ST3GAL6: variants seen among roughly 807,000 people sequenced by gnomAD.
ST3GAL6 encodes the protein type 2 lactosamine alpha-2,3-sialyltransferase.
Under a neutral mutation model 40.5 loss-of-function variants are expected in ST3GAL6, and 31 were observed. The ratio of observed to expected loss-of-function variants is 0.77; its 90% CI spans 0.58 to 1.03. The LOEUF (loss-of-function observed/expected upper bound fraction) is 1.03. Among genes scored for constraint, ST3GAL6 ranks in the 50% least tolerant of loss-of-function variants. ST3GAL6 has a pLI of 0.00. For missense variants in ST3GAL6, 357 were observed against 393.2 expected, an observed-to-expected ratio of 0.91 and a Z score of 0.78; for synonymous variants, 129 against 136.9, an observed-to-expected ratio of 0.94 and a Z score of 0.40.
At chr3:98,774,993 T>G (rs1035811303) in intron 5 of ST3GAL6, among the ~76,000 whole-genome samples, 1 of 152,232 alleles carries the variant, frequency 6.6e-6, no homozygotes, top group Admixed American at 6.5e-5. Flanking sequence ...CCCAAATTTA[T>G]GTAGCTCTGA....
intron 1 of ST3GAL6, among the ~76,000 whole-genome samples, chr3:98,737,239 TG>T (rs1935630635): frequency 6.6e-6 from 1 of 152,080 alleles, no homozygotes. Flanking sequence ...TTTGTAGAGA[TG>T]GGGTTTCGCC....
At chr3:98,732,760 C>T (rs952530065) in intron 1 of ST3GAL6, 6 of 1,208,336 alleles carry the variant, frequency 5.0e-6, no homozygotes, top group Non-Finnish European at 6.7e-6. Context: ...CTGCTCCCTC[C>T]TCTGCTCCCC....
rs1331642724 is a variant in ST3GAL6, at chr3:98,791,815, A to G, written c.757-26A>G. 8.8e-6 allele frequency: 14 copies of G among 1,592,434 alleles called. No individual in the cohort carries two copies. The South Asian group carries it at 1.5e-4, about 17-fold the overall frequency. On this transcript the variant is annotated intron_variant, in intron 8 of 9. Coordinates refer to ENST00000483910, the MANE Select transcript of ST3GAL6 (RefSeq NM_001323368.2). ...TAACAAGTAGCTCCTTTTGCTTAAA[A>G]AAGTTTTTTTCATCCCCTCCCCCAG...
intron 1 of ST3GAL6, among the ~76,000 whole-genome samples, chr3:98,738,210 A>C (rs952760693): frequency 6.6e-6 from 1 of 151,336 alleles, no homozygotes; most frequent in Non-Finnish European, 1.5e-5. Context: ...CTTTCCGTAC[A>C]GCCTGAAGAA....
At chr3:98,774,675 A>G (rs1268404800) in intron 5 of ST3GAL6, among the ~76,000 whole-genome samples, 1 of 152,182 alleles carries the variant, frequency 6.6e-6, no homozygotes, top group Non-Finnish European at 1.5e-5. Flanking sequence ...GGCCTCCATT[A>G]AAAAGGAAAA....
rs1940270051 is a variant in ST3GAL6 at position 98,782,792 on chromosome 3, A to G, written c.336-2153A>G. 5.8e-6 allele frequency: 3 copies of G among 514,286 alleles called. No homozygotes were observed. The Admixed American group carries it at 6.8e-5, about 12-fold the overall frequency. 31.9% of individuals were successfully genotyped at this position (514,286 alleles called of 1,614,324 possible). The stretch of plus-strand genomic sequence containing the variant: ...CAACAAAGAATCTGAAGTTTACAAG[A>G]TGCTTCAGGAGAAACAGGAGTTGAA... On this transcript the variant is annotated intron_variant, in intron 5 of 9. Coordinates refer to ENST00000483910, the MANE Select transcript of ST3GAL6 (RefSeq NM_001323368.2).
intron 1 of ST3GAL6, among the ~76,000 whole-genome samples, chr3:98,755,305 C>T (rs1198361454): frequency 1.3e-5 from 2 of 152,196 alleles, no homozygotes; most frequent in African/African-American, 4.8e-5. Context: ...CTCAGCCTCC[C>T]ACAGTGCTGG....
intron 1 of ST3GAL6, 69 bp downstream of exon 1, chr3:98,763,508 T>G (rs1036381222): frequency 2.4e-6 from 3 of 1,271,396 alleles, no homozygotes; most frequent in Non-Finnish European, 3.1e-6. Flanking sequence ...TGCTGAGATA[T>G]TAGACATTAG....
intron 1 of ST3GAL6, among the ~76,000 whole-genome samples, chr3:98,750,039 T>A (rs1936870354): frequency 6.6e-6 from 1 of 152,234 alleles, no homozygotes; most frequent in Non-Finnish European, 1.5e-5. Flanking sequence ...CTTAGGGGAC[T>A]TTCCCTGCCC....
chr3:98,783,642 T>C (rs905497333), intron 5 of ST3GAL6: 1 of 984,476 alleles, frequency 1.0e-6, no homozygotes, highest in East Asian at 1.1e-4. Context: ...TACTGTGACA[T>C]GAGATGTGTC....
intron 1 of ST3GAL6, among the ~76,000 whole-genome samples, chr3:98,753,052 C>G (rs1231543363): frequency 6.6e-6 from 1 of 152,204 alleles, no homozygotes; most frequent in East Asian, 1.9e-4. Context: ...AATGATTAAG[C>G]TTAGTGAGGA....
upstream of ST3GAL6, among the ~76,000 whole-genome samples, chr3:98,760,712 A>G (rs1263415528): frequency 1.3e-5 from 2 of 152,240 alleles, no homozygotes; most frequent in Non-Finnish European, 2.9e-5. Context: ...CGTGTTTACC[A>G]TATGGCCCAT....
At chr3:98,753,281 C>A (rs1409013615) in intron 1 of ST3GAL6, among the ~76,000 whole-genome samples, 1 of 152,188 alleles carries the variant, frequency 6.6e-6, no homozygotes, top group Admixed American at 6.5e-5. Flanking sequence ...TGATCCCAAA[C>A]AAGGCTCTAA....
In ST3GAL6 at chr3:98,769,561, A is replaced by G. The variant is rs1938741031; in HGVS notation, c.89+1032A>G. 2.6e-5 allele frequency among the ~76,000 whole-genome samples: 4 copies of G among 152,130 alleles called. No individual in the cohort carries two copies. The South Asian group carries it at 8.3e-4, about 31-fold the overall frequency. ...AGATTGCTACTTTCCTACAAATCCT[A>G]TTGTTGGTCACAGGGAAAATGATAA... On this transcript the variant is annotated intron_variant, in intron 2 of 9. Coordinates refer to ENST00000483910, the MANE Select transcript of ST3GAL6 (RefSeq NM_001323368.2).
intron 5 of ST3GAL6, chr3:98,782,931 ATTACTC>A (rs369211097): frequency 0.99 from 363,996 of 366,948 alleles, 180,611 homozygotes; most frequent in East Asian, 1. Context: ...AGCTCAGTCT[ATTACTC>A]AGTGGCTGCA....
chr3:98,745,411 G>A (rs971288301), intron 1 of ST3GAL6, among the ~76,000 whole-genome samples: 5 of 152,224 alleles, frequency 3.3e-5, no homozygotes, highest in African/African-American at 1.2e-4. Flanking sequence ...GAAGTCCCCA[G>A]AGTGACTCTC....
At chr3:98,763,476 G>C in intron 1 of ST3GAL6, 37 bp downstream of exon 1, 1 of 1,289,274 alleles carries the variant, frequency 7.8e-7, no homozygotes, top group East Asian at 5.5e-5. Flanking sequence ...TAAGGGGAAG[G>C]TTGTGGCTTA....
rs974340454 is a variant in ST3GAL6, at chr3:98,794,266, G to A, written c.*505G>A. The A allele has an allele frequency of 6.6e-6, 1 of 152,168 alleles. No homozygotes were observed. Among genetic ancestry groups the A allele is most frequent in the Non-Finnish European group, 1.5e-5 (1 of 68,048 alleles). 9.4% of individuals were successfully genotyped at this position (152,168 alleles called of 1,614,324 possible). On this transcript the variant is annotated 3_prime_UTR_variant, in exon 10 of 10. Coordinates refer to ENST00000483910, the MANE Select transcript of ST3GAL6 (RefSeq NM_001323368.2). Reference sequence around the variant, plus strand: ...CTCCTGACAACCCCCAGAATTAAATGAACCATGATTGTGAAGAGTAATTTG... The same window carrying A: ...CTCCTGACAACCCCCAGAATTAAATAAACCATGATTGTGAAGAGTAATTTG...
chr3:98,737,198 A>G (rs913271904), intron 1 of ST3GAL6, among the ~76,000 whole-genome samples: 11 of 151,936 alleles, frequency 7.2e-5, no homozygotes, highest in Non-Finnish European at 1.5e-4. Context: ...ACAGGCATGC[A>G]CCACCACACC....
Sources: gnomAD v4.1 joint callset for allele counts (sites outside exome capture counted in the v4.1 genomes callset) on GRCh38, gnomAD v4.1.1 for gene constraint, MANE v1.5 for transcripts, NCBI Gene and HGNC (gene_info 2026-07-23, HGNC 2026-07-21) for gene names.